Variants in ATXN10 observed in about 807,000 individuals in gnomAD.
ATXN10 encodes the protein ataxin-10.
A neutral mutation model predicts 52.9 loss-of-function variants in ATXN10; 28 were observed. The observed-to-expected ratio is 0.53, with a 90% CI of 0.39 to 0.73. The LOEUF (loss-of-function observed/expected upper bound fraction) is 0.73. Among genes scored for constraint, ATXN10 ranks in the 30% least tolerant of loss-of-function variants. The pLI, the probability that ATXN10 is intolerant of heterozygous loss-of-function variation, is 0.00. For missense variants in ATXN10, 565 were observed against 577.0 expected (o/e 0.98, Z 0.21); for synonymous variants, 226 against 221.5 (o/e 1.02, Z -0.18).
chr22:45,686,392 A>G (rs1256142904), intron 1 of ATXN10, among the ~76,000 whole-genome samples: 5 of 152,200 alleles, frequency 3.3e-5, no homozygotes, highest in African/African-American at 1.2e-4. Flanking sequence ...CCGGGGAGAT[A>G]GGTTATATAA....
chr22:45,709,779 T>G (rs968063563), intron 5 of ATXN10, among the ~76,000 whole-genome samples: 3 of 152,234 alleles, frequency 2.0e-5, no homozygotes, highest in Non-Finnish European at 4.4e-5. Flanking sequence ...ATCTGAAATG[T>G]ATGAAGGCTG....
chr22:45,698,470 A>G (rs926120496), intron 3 of ATXN10, among the ~76,000 whole-genome samples: 8 of 152,226 alleles, frequency 5.3e-5, no homozygotes, highest in African/African-American at 1.4e-4. Flanking sequence ...GTTTGTGTCT[A>G]TTTCTTGTAG....
chr22:45,779,318 A>G (rs1054322110), intron 9 of ATXN10, among the ~76,000 whole-genome samples: 7 of 152,210 alleles, frequency 4.6e-5, no homozygotes, highest in Admixed American at 2.0e-4. Flanking sequence ...ATGTAAGTGG[A>G]AGTATGATTT....
At chr22:45,709,383 G>A (rs1924159279) in intron 5 of ATXN10, among the ~76,000 whole-genome samples, 1 of 152,202 alleles carries the variant, frequency 6.6e-6, no homozygotes, top group African/African-American at 2.4e-5. Flanking sequence ...GATGGTTTAT[G>A]CACATAAAGG....
At chr22:45,723,978 A>G (rs1360739388) in intron 6 of ATXN10, among the ~76,000 whole-genome samples, 1 of 151,828 alleles carries the variant, frequency 6.6e-6, no homozygotes, top group African/African-American at 2.4e-5. Flanking sequence ...AAAGGCTTCC[A>G]GCTCCATCCA....
chr22:45,753,676 G>C (rs965623522), intron 9 of ATXN10, among the ~76,000 whole-genome samples: 2 of 151,798 alleles, frequency 1.3e-5, no homozygotes, highest in African/African-American at 4.8e-5. Flanking sequence ...CAAAGTGCTG[G>C]GATTACAGGT....
In ATXN10 at chr22:45,841,378, C is replaced by T. The variant is rs1285690964; in HGVS notation, c.1238-1613C>T. 6.6e-6 allele frequency among the ~76,000 whole-genome samples: 1 copy of T among 152,220 alleles called. No homozygotes were observed. On this transcript the variant is annotated intron_variant, in intron 10 of 11. Coordinates refer to ENST00000252934, the MANE Select transcript of ATXN10 (RefSeq NM_013236.4). The surrounding 1 kb of genome is among the most constrained non-coding windows in gnomAD (Gnocchi z 5.1). ...ACCAGTGGTTTTGATGCTAAACCTC[C>T]AAAGACCAGCAGGTCATTCACTCAG...
chr22:45,700,114 G>A (rs1489710285), intron 3 of ATXN10, among the ~76,000 whole-genome samples, 168 bp from the exon 4 acceptor site: 1 of 152,146 alleles, frequency 6.6e-6, no homozygotes, highest in Non-Finnish European at 1.5e-5. Context: ...TCCCAGCCAT[G>A]GCATATTCAT....
chr22:45,765,324 G>A (rs1247270895), intron 9 of ATXN10, among the ~76,000 whole-genome samples: 1 of 152,178 alleles, frequency 6.6e-6, no homozygotes, highest in African/African-American at 2.4e-5. Flanking sequence ...GCCACCAAGA[G>A]GGAGACAGTA....
intron 10 of ATXN10, among the ~76,000 whole-genome samples, chr22:45,813,084 G>A (rs1033010430): frequency 1.3e-5 from 2 of 152,196 alleles, no homozygotes; most frequent in African/African-American, 2.4e-5. Context: ...AGGGACACGA[G>A]CCCAACTAGT....
chr22:45,809,628 T>TCCC (rs765269073), intron 10 of ATXN10, among the ~76,000 whole-genome samples: 1 of 152,172 alleles, frequency 6.6e-6, no homozygotes, highest in Non-Finnish European at 1.5e-5. Context: ...GGACTGCACA[T>TCCC]CCCGTTCCCT....
Position 45,690,785 on chromosome 22 carries a change from G to A in ATXN10, c.308+882G>A, listed in dbSNP as rs945474708. On this transcript the variant is annotated intron_variant, in intron 2 of 11. Transcript: ENST00000252934. This position sits in a 1 kb window ranked among gnomAD's most constrained non-coding sequence, Gnocchi z 4.5. ...CTCTTCTTTGCTTTTACGTGTTACC[G>A]TCTCCTCCCAGAACACAGCATCTTT... 6.6e-6 allele frequency among the ~76,000 whole-genome samples: 1 copy of A among 152,160 alleles called. No homozygotes were observed. Among genetic ancestry groups the A allele is most frequent in the Admixed American group, 6.5e-5 (1 of 15,272 alleles).
intron 1 of ATXN10, 102 bp from the exon 2 acceptor site, chr22:45,689,610 G>T: frequency 1.0e-6 from 1 of 975,110 alleles, no homozygotes. Flanking sequence ...GATAAACGTA[G>T]CGTACCTCCC....
At chr22:45,800,191 C>T (rs911133753) in intron 9 of ATXN10, among the ~76,000 whole-genome samples, 14 of 152,090 alleles carry the variant, frequency 9.2e-5, no homozygotes, top group African/African-American at 3.1e-4. Flanking sequence ...AAAAAACAAG[C>T]CATGGTATAC....
Position 45,812,450 on chromosome 22 carries a change from G to A in ATXN10, c.1237+5428G>A, listed in dbSNP as rs539103174. Among the ~76,000 whole-genome samples, 38 of 152,290 alleles carry A rather than the reference G, an allele frequency of 2.5e-4. No homozygotes were observed. The South Asian group carries it at 4.8e-3, about 19-fold the overall frequency. ...CTTGGTGAAATATGTGTATGTGTGC[G>A]TGTGCATGTGTGTGTATTTATTTAT... is the stretch of plus-strand genomic sequence containing the variant. On this transcript the variant is annotated intron_variant, in intron 10 of 11. Coordinates refer to ENST00000252934, the MANE Select transcript of ATXN10 (RefSeq NM_013236.4).
chr22:45,775,160 C>G lies in ATXN10; in HGVS notation c.1174-31799C>G, dbSNP rs11703043. Among the ~76,000 whole-genome samples, 13,979 of 152,184 alleles carry G rather than the reference C, an allele frequency of 0.092. 826 individuals carry two copies. Among genetic ancestry groups the G allele is most frequent in the Middle Eastern group, 0.15 (45 of 294 alleles). ...TCTTTGAGAAACACTGGCCCTCAGTCCTTACCACTCCTAGAGAAGGAGGGG... is the reference window on the plus strand; with the variant it reads ...TCTTTGAGAAACACTGGCCCTCAGTGCTTACCACTCCTAGAGAAGGAGGGG... On this transcript the variant is annotated intron_variant, in intron 9 of 11. Transcript: ENST00000252934. This position sits in a 1 kb window ranked among gnomAD's most constrained non-coding sequence, Gnocchi z 4.7.
At chr22:45,743,667 T>G (rs562619345) in intron 9 of ATXN10, among the ~76,000 whole-genome samples, 8 of 152,340 alleles carry the variant, frequency 5.3e-5, no homozygotes, top group African/African-American at 1.9e-4. Flanking sequence ...CTAGCCTAAT[T>G]TGGGTTCCTC....
At chr22:45,716,794 G>C (rs775561440) in intron 5 of ATXN10, among the ~76,000 whole-genome samples, 1 of 152,054 alleles carries the variant, frequency 6.6e-6, no homozygotes, top group African/African-American at 2.4e-5. Flanking sequence ...AAAAACAATA[G>C]AAAAAATTCA....
Position 45,759,360 on chromosome 22 carries a change from A to T in ATXN10, c.1173+18822A>T, listed in dbSNP as rs974560332. On this transcript the variant is annotated intron_variant, in intron 9 of 11. Transcript: ENST00000252934. This position sits in a 1 kb window ranked among gnomAD's most constrained non-coding sequence, Gnocchi z 5.4. ...AACCCTGTCTCTACTAAAAATACAAAAAGTAGCCGGGCGTGGTGGCGCATG... is the reference window on the plus strand; with the variant it reads ...AACCCTGTCTCTACTAAAAATACAATAAGTAGCCGGGCGTGGTGGCGCATG... Among the ~76,000 whole-genome samples the T allele has an allele frequency of 2.6e-4, 40 of 152,106 alleles. No homozygotes were observed. The highest frequency in any genetic ancestry group is 1.4e-3 in the Admixed American group (21 of 15,278).
Sources: gnomAD v4.1 joint callset for allele counts (sites outside exome capture counted in the v4.1 genomes callset) on GRCh38, gnomAD v4.1.1 for gene constraint, Gnocchi (gnomAD v3.1) non-coding constraint, MANE v1.5 for transcripts, NCBI Gene and HGNC (gene_info 2026-07-23, HGNC 2026-07-21) for gene names.